The following MAP3K2 variants were observed in gnomAD, a reference collection of about 807,000 sequenced individuals.
The protein encoded by MAP3K2 is mitogen-activated protein kinase kinase kinase 2, also known as MAP/ERK kinase kinase 2.
Under a neutral mutation model 80.3 loss-of-function variants are expected in MAP3K2, and 24 were observed. That is an observed-to-expected ratio of 0.30 (90% CI 0.22 to 0.42). MAP3K2 has a LOEUF of 0.42. Among genes scored for constraint, MAP3K2 ranks in the 10% least tolerant of loss-of-function variants. MAP3K2 has a pLI of 1.00. For missense variants in MAP3K2, 608 were observed against 750.1 expected, an observed-to-expected ratio of 0.81 and a Z score of 2.21; for synonymous variants, 244 against 253.7, an observed-to-expected ratio of 0.96 and a Z score of 0.36.
Position 127,318,321 on chromosome 2 carries a change from A to G in MAP3K2, c.1046-4T>C. The G allele has an allele frequency of 6.3e-7, 1 of 1,577,882 alleles. No individual in the cohort carries two copies. Among genetic ancestry groups the G allele is most frequent in the Non-Finnish European group, 8.6e-7 (1 of 1,166,318 alleles). ...CAGTTGGTCGGAGCTCGAGGTGCTGAAAAAGAACACTTTCTTAAAGTGAAA... is the reference window on the plus strand; with the variant it reads ...CAGTTGGTCGGAGCTCGAGGTGCTGGAAAAGAACACTTTCTTAAAGTGAAA... On this transcript the variant is annotated splice_region_variant and splice_polypyrimidine_tract_variant and intron_variant, in intron 12 of 16. Coordinates refer to ENST00000682094, the MANE Select transcript of MAP3K2 (RefSeq NM_001371910.2).
intron 15 of MAP3K2, among the ~76,000 whole-genome samples, chr2:127,311,563 G>A (rs1300841784): frequency 6.6e-6 from 1 of 152,122 alleles, no homozygotes; most frequent in African/African-American, 2.4e-5. Context: ...CACAAAGGTA[G>A]AGCAGCATGC....
intron 15 of MAP3K2, among the ~76,000 whole-genome samples, chr2:127,312,703 C>G (rs4662578): frequency 0.38 from 57,169 of 151,844 alleles, 11,487 homozygotes; most frequent in East Asian, 0.62. Flanking sequence ...TAGCTCACGC[C>G]TGTAATCCCA....
Position 127,326,249 on chromosome 2 carries a change from C to T in MAP3K2, c.597+438G>A, listed in dbSNP as rs115359141. ...ACTATAATAGTGTGAACATATAATG[C>T]GATGCAATGCAATGTTAAGGGAATA... is the stretch of plus-strand genomic sequence containing the variant. On this transcript the variant is annotated intron_variant, in intron 8 of 16. Transcript: ENST00000682094. Among the ~76,000 whole-genome samples the T allele has an allele frequency of 7.7e-3, 876 of 113,282 alleles. 9 individuals carry two copies. The highest frequency in any genetic ancestry group is 0.024 in the African/African-American group (828 of 34,106). The allele number at this position is 113,282 out of a possible 152,430, so 74.3% of individuals were successfully genotyped here. A position where few individuals can be genotyped will look rare whatever the true frequency, so the allele number is the denominator to read the frequency against.
intron 1 of MAP3K2, among the ~76,000 whole-genome samples, chr2:127,375,256 A>G (rs1178066468): frequency 6.6e-6 from 1 of 152,126 alleles, no homozygotes; most frequent in Admixed American, 6.6e-5. Flanking sequence ...TATGGGACCC[A>G]TAGCCCCGAA....
chr2:127,321,507 G>A lies in MAP3K2; in HGVS notation c.1045+539C>T, dbSNP rs569145778. On this transcript the variant is annotated intron_variant, in intron 12 of 16. Transcript: ENST00000682094. The surrounding 1 kb of genome is among the most constrained non-coding windows in gnomAD (Gnocchi z 4.4). ...TTGAACATGAATCTTTGTATGCACT[G>A]CTTACACAGTAAGGTCTGAATGCTT... Among the ~76,000 whole-genome samples, 7 of 152,316 alleles carry A rather than the reference G, an allele frequency of 4.6e-5. No individual in the cohort carries two copies. The East Asian group carries it at 1.2e-3, about 25-fold the overall frequency.
chr2:127,370,897 A>C (rs1687051558), intron 1 of MAP3K2, among the ~76,000 whole-genome samples: 1 of 152,128 alleles, frequency 6.6e-6, no homozygotes, highest in South Asian at 2.1e-4. Flanking sequence ...GAGGAAACGG[A>C]GGTTTTGCCT....
chr2:127,359,223 T>C lies in MAP3K2; in HGVS notation c.-65-16029A>G, dbSNP rs115112285. Among the ~76,000 whole-genome samples, 1,172 of 152,332 alleles carry C rather than the reference T, an allele frequency of 7.7e-3. 20 individuals are homozygous for C. The highest frequency in any genetic ancestry group is 0.027 in the African/African-American group (1,128 of 41,564). On this transcript the variant is annotated intron_variant, in intron 1 of 16. Coordinates refer to ENST00000682094, the MANE Select transcript of MAP3K2 (RefSeq NM_001371910.2). The stretch of plus-strand genomic sequence containing the variant: ...GACTTTAGTTTACAATAATGCCTCA[T>C]TATTTGCTCATCACCCATAACAAAG...
chr2:127,350,454 C>CAAAAAAAAAAAAAAA (rs752516255), intron 1 of MAP3K2, among the ~76,000 whole-genome samples: 77 of 99,364 alleles, frequency 7.7e-4, no homozygotes, highest in Non-Finnish European at 1.0e-3. Flanking sequence ...AAAACAAAAA[C>CAAAAAAAAAAAAAAA]AAAAAAAAAA....
chr2:127,329,858 A>C, intron 7 of MAP3K2, 63 bp downstream of exon 7: 1 of 924,728 alleles, frequency 1.1e-6, no homozygotes, highest in Non-Finnish European at 1.8e-6. Flanking sequence ...GCCACACTAC[A>C]TTAAAGGATG....
intron 2 of MAP3K2, among the ~76,000 whole-genome samples, chr2:127,340,499 A>T (rs1686456186): frequency 6.6e-6 from 1 of 152,164 alleles, no homozygotes; most frequent in Non-Finnish European, 1.5e-5. Context: ...TCCACTAAAA[A>T]TACAAAAATT....
intron 1 of MAP3K2, among the ~76,000 whole-genome samples, chr2:127,372,022 G>C (rs565391881): frequency 6.6e-6 from 1 of 152,130 alleles, no homozygotes; most frequent in Non-Finnish European, 1.5e-5. Context: ...CACTGGGAGC[G>C]CAAGACTGGA....
At chr2:127,315,500 G>A (rs1685883582) in intron 14 of MAP3K2, among the ~76,000 whole-genome samples, 1 of 152,174 alleles carries the variant, frequency 6.6e-6, no homozygotes, top group Non-Finnish European at 1.5e-5. Flanking sequence ...AGCCATCCTT[G>A]GAGGGAGAGC....
At chr2:127,353,208 A>G (rs1470171868) in intron 1 of MAP3K2, among the ~76,000 whole-genome samples, 1 of 149,696 alleles carries the variant, frequency 6.7e-6, no homozygotes, top group African/African-American at 2.5e-5. Flanking sequence ...CAGTCTGGAA[A>G]GTGAGGAGCG....
chr2:127,379,406 A>G (rs989465997), intron 1 of MAP3K2, among the ~76,000 whole-genome samples: 2 of 152,138 alleles, frequency 1.3e-5, no homozygotes, highest in Non-Finnish European at 2.9e-5. Flanking sequence ...CTATACCCCA[A>G]TTTTACAGAG....
chr2:127,318,343 G>C (rs765297134), intron 12 of MAP3K2, 26 bp from the exon 13 acceptor site: 1 of 1,544,940 alleles, frequency 6.5e-7, no homozygotes, highest in Non-Finnish European at 8.7e-7. Context: ...TTCTTAAAGT[G>C]AAATATCAAA....
intron 7 of MAP3K2, among the ~76,000 whole-genome samples, chr2:127,328,832 A>G (rs970656275): frequency 1.2e-4 from 18 of 152,264 alleles, no homozygotes; most frequent in African/African-American, 4.1e-4. Context: ...TCTGTTACCA[A>G]TCTTTTTTAG....
chr2:127,316,477 AC>A (rs1337363495), intron 14 of MAP3K2, among the ~76,000 whole-genome samples: 1 of 152,264 alleles, frequency 6.6e-6, no homozygotes, highest in Non-Finnish European at 1.5e-5. Flanking sequence ...CTATATAATG[AC>A]AGATGTCACA....
chr2:127,384,175 G>A (rs151168395), intron 1 of MAP3K2, among the ~76,000 whole-genome samples: 2,098 of 150,890 alleles, frequency 0.014, 46 homozygotes, highest in African/African-American at 0.048. Flanking sequence ...GATTACAGGC[G>A]TGAGCCACCG....
At chr2:127,368,622 AAAATAAAT>A (rs1171784145) in intron 1 of MAP3K2, among the ~76,000 whole-genome samples, 2 of 152,248 alleles carry the variant, frequency 1.3e-5, no homozygotes, top group African/African-American at 2.4e-5. Flanking sequence ...CTCCATCTCA[AAAATAAAT>A]AAATAAATAA....
Sources: gnomAD v4.1 joint callset for allele counts (sites outside exome capture counted in the v4.1 genomes callset) on GRCh38, gnomAD v4.1.1 for gene constraint, Gnocchi (gnomAD v3.1) non-coding constraint, MANE v1.5 for transcripts, NCBI Gene and HGNC (gene_info 2026-07-23, HGNC 2026-07-21) for gene names.